Variants in FGF12 observed in about 807,000 individuals in gnomAD.
The protein encoded by FGF12 is fibroblast growth factor 12B.
A neutral mutation model predicts 23.6 loss-of-function variants in FGF12; 14 were observed. That is an observed-to-expected ratio of 0.59 (90% CI 0.39 to 0.93). FGF12 has a LOEUF of 0.93. FGF12 is among the 40% of genes least tolerant of loss of function. FGF12 has a pLI of 0.00. For missense variants in FGF12, 175 were observed against 217.8 expected, an observed-to-expected ratio of 0.80 and a Z score of 1.24; for synonymous variants, 62 against 77.3, an observed-to-expected ratio of 0.80 and a Z score of 1.04.
chr3:192,593,456 C>T (rs1204949563), intron 2 of FGF12, among the ~76,000 whole-genome samples: 1 of 151,872 alleles, frequency 6.6e-6, no homozygotes, highest in African/African-American at 2.4e-5. Flanking sequence ...GATATATGCT[C>T]ATTTCCACCC....
At chr3:192,472,286 G>A (rs574081346) in intron 2 of FGF12, among the ~76,000 whole-genome samples, 4 of 152,072 alleles carry the variant, frequency 2.6e-5, no homozygotes, top group Non-Finnish European at 4.4e-5. Flanking sequence ...AAAGTACTGG[G>A]ATTACAGGCA....
chr3:192,308,138 C>A (rs1452066881), intron 4 of FGF12, among the ~76,000 whole-genome samples: 6 of 152,046 alleles, frequency 3.9e-5, no homozygotes, highest in Admixed American at 3.9e-4. Context: ...AATTAGCAGA[C>A]CATTAAAAGC....
chr3:192,368,008 A>G (rs1719060245), intron 2 of FGF12, among the ~76,000 whole-genome samples: 1 of 152,200 alleles, frequency 6.6e-6, no homozygotes, highest in African/African-American at 2.4e-5. Flanking sequence ...TTAAAAATGA[A>G]TATTTATTGA....
At chr3:192,190,099 A>G (rs1716698225) in intron 4 of FGF12, among the ~76,000 whole-genome samples, 2 of 152,360 alleles carry the variant, frequency 1.3e-5, no homozygotes, top group Middle Eastern at 3.4e-3. Flanking sequence ...TTTTAAAGTT[A>G]TAAGAAATAT....
intron 2 of FGF12, chr3:192,407,985 C>T (rs776627160): frequency 1.9e-6 from 3 of 1,541,178 alleles, no homozygotes; most frequent in African/African-American, 1.4e-5. Flanking sequence ...AGAAAGAGGG[C>T]GTCCCCTCTG....
rs141848720 is a variant in FGF12, at chr3:192,439,714, C to T, written c.14-79176G>A. Among the ~76,000 whole-genome samples the T allele has an allele frequency of 2.4e-4, 36 of 152,234 alleles. No homozygotes were observed. In the East Asian group the frequency reaches 3.1e-3, roughly 13 times the overall value. ...TAACATGGCCAGGCGTGGTGGCTCA[C>T]GCCTGTAATCCCAGCACTTTGGGAG... On this transcript the variant is annotated intron_variant, in intron 2 of 5. Transcript: ENST00000445105.
Position 192,507,334 on chromosome 3 carries a change from T to TACACAC in FGF12, c.14-146802_14-146797dup, listed in dbSNP as rs35433581. On this transcript the variant is annotated intron_variant, in intron 2 of 5. Coordinates refer to ENST00000445105, the MANE Select transcript of FGF12 (RefSeq NM_004113.6). ...GCAATTTTTAATGCATTTGACCAAA[T>TACACAC]ACACACACACACACACACACACACA... is the stretch of plus-strand genomic sequence containing the variant. 3.2e-3 allele frequency among the ~76,000 whole-genome samples: 469 copies of TACACAC among 144,720 alleles called. 1 individual carries two copies. Among genetic ancestry groups the TACACAC allele is most frequent in the Admixed American group, 7.2e-3 (105 of 14,484 alleles). The allele number at this position is 144,720 out of a possible 152,430, so 94.9% of individuals were successfully genotyped here.
intron 4 of FGF12, among the ~76,000 whole-genome samples, chr3:192,275,115 T>G (rs1384736871): frequency 6.6e-6 from 1 of 152,172 alleles, no homozygotes; most frequent in African/African-American, 2.4e-5. Flanking sequence ...AGACTTTATT[T>G]ATAGATAAAT....
intron 2 of FGF12, among the ~76,000 whole-genome samples, chr3:192,424,923 AAT>A (rs1366244378): frequency 1.3e-5 from 2 of 152,234 alleles, no homozygotes; most frequent in African/African-American, 4.8e-5. Context: ...ATGTTTATAA[AAT>A]ATGATACATC....
intron 4 of FGF12, among the ~76,000 whole-genome samples, chr3:192,227,988 A>AT (rs1560200378): frequency 6.6e-6 from 1 of 152,172 alleles, no homozygotes; most frequent in Non-Finnish European, 1.5e-5. Flanking sequence ...AGAAATAAAG[A>AT]TAAGTCATGG....
chr3:192,164,506 C>A (rs939363008), intron 5 of FGF12, among the ~76,000 whole-genome samples: 2 of 152,130 alleles, frequency 1.3e-5, no homozygotes, highest in Non-Finnish European at 1.5e-5. Context: ...AGGACTTAAC[C>A]ATCCTCAAAC....
intron 3 of FGF12, among the ~76,000 whole-genome samples, chr3:192,349,034 A>C (rs1365380901): frequency 6.6e-6 from 1 of 152,148 alleles, no homozygotes; most frequent in Non-Finnish European, 1.5e-5. Flanking sequence ...TTCATTCCAA[A>C]TATGTAGTTC....
At chr3:192,361,944 T>G (rs1560085363) in intron 2 of FGF12, among the ~76,000 whole-genome samples, 1 of 152,212 alleles carries the variant, frequency 6.6e-6, no homozygotes. Flanking sequence ...AATTAGGTAT[T>G]CTAATTAATA....
intron 2 of FGF12, among the ~76,000 whole-genome samples, chr3:192,719,618 C>T (rs1050448558): frequency 2.0e-4 from 30 of 151,862 alleles, no homozygotes; most frequent in Non-Finnish European, 3.1e-4. Context: ...AAATGTTGAA[C>T]ATGTTTTGAA....
At position 192,468,102 on chromosome 3, in the gene FGF12, T is replaced by TA. The variant is rs552113108; in HGVS notation, c.14-107565dup. 1.7e-3 allele frequency among the ~76,000 whole-genome samples: 265 copies of TA among 152,294 alleles called. 1 individual carries two copies. The highest frequency in any genetic ancestry group is 0.011 in the Admixed American group (172 of 15,292). ...AACAGCCCCCTTTTGCATGAATACA[T>TA]AAGAGACATGGAGTTCTATGACTAA... On this transcript the variant is annotated intron_variant, in intron 2 of 5. Coordinates refer to ENST00000445105, the MANE Select transcript of FGF12 (RefSeq NM_004113.6).
intron 2 of FGF12, among the ~76,000 whole-genome samples, chr3:192,536,901 A>G (rs1377391691): frequency 6.6e-6 from 1 of 152,122 alleles, no homozygotes; most frequent in South Asian, 2.1e-4. Context: ...GATCTTATTC[A>G]TTCTTTCCAA....
chr3:192,333,407 A>G (rs953570365), intron 4 of FGF12, among the ~76,000 whole-genome samples: 1 of 152,154 alleles, frequency 6.6e-6, no homozygotes, highest in African/African-American at 2.4e-5. Context: ...ATTCAAAATA[A>G]CATCCTCTTG....
intron 2 of FGF12, among the ~76,000 whole-genome samples, chr3:192,694,587 G>T (rs1313430520): frequency 6.6e-6 from 1 of 151,390 alleles, no homozygotes; most frequent in East Asian, 1.9e-4. Flanking sequence ...ATACATATAC[G>T]TACATATATA....
chr3:192,376,439 C>T (rs71312491), intron 2 of FGF12, among the ~76,000 whole-genome samples: 1,797 of 151,664 alleles, frequency 0.012, 22 homozygotes, highest in Non-Finnish European at 0.018. Flanking sequence ...CTTGGCTGAC[C>T]GCAACCTCTG....
Sources: allele counts gnomAD v4.1 joint callset (sites outside exome capture counted in the v4.1 genomes callset), GRCh38; gene constraint gnomAD v4.1.1; transcripts MANE v1.5; gene names NCBI Gene and HGNC (gene_info 2026-07-23, HGNC 2026-07-21).